GPHN: variants seen among roughly 807,000 people sequenced by gnomAD.
GPHN encodes the protein gephyrin.
GPHN carries 17 observed loss-of-function variants against 95.5 expected under a neutral mutation model. That is an observed-to-expected ratio of 0.18 (90% CI 0.12 to 0.27). The LOEUF is 0.27. Ranked by LOEUF, GPHN falls within the 10% of genes least tolerant of loss-of-function variation. GPHN has a pLI of 1.00. For synonymous variants in GPHN, 320 were observed against 322.5 expected (o/e 0.99, Z 0.08); for missense variants, 660 against 978.1 (o/e 0.67, Z 4.34).
At chr14:67,669,268 T>C in the GPHN span, among the ~76,000 whole-genome samples, 1 of 142,216 alleles carries the variant, frequency 7.0e-6, no homozygotes, top group Non-Finnish European at 1.5e-5. Context: ...TACTTCTTCA[T>C]AATTTTTTTT....
At chr14:67,474,219 T>C in the GPHN span, among the ~76,000 whole-genome samples, 3 of 149,960 alleles carry the variant, frequency 2.0e-5, no homozygotes, top group East Asian at 5.9e-4. Context: ...GCCACTGCAC[T>C]CCAGCCTGGG....
At chr14:66,583,020 A>G (rs977602764) in intron 1 of GPHN, among the ~76,000 whole-genome samples, 5 of 151,986 alleles carry the variant, frequency 3.3e-5, no homozygotes, top group African/African-American at 4.8e-5. Context: ...AAGTGTTCCT[A>G]TTTCTCCACA....
rs1369912363 is a variant in GPHN at position 67,002,152 on chromosome 14, A to G, written c.964-21481A>G. On this transcript the variant is annotated intron_variant, in intron 9 of 22. Coordinates refer to ENST00000478722, the MANE Select transcript of GPHN (RefSeq NM_020806.5). ...ATATTCAAAAAACAGAAGTTTATTC[A>G]TTACACACAATGAATATAAATGCAT... 2.6e-5 allele frequency among the ~76,000 whole-genome samples: 4 copies of G among 151,558 alleles called. No homozygotes were observed. The East Asian group carries it at 7.7e-4, about 29-fold the overall frequency.
At chr14:67,395,326 C>G in the GPHN span, 76 of 1,363,602 alleles carry the variant, frequency 5.6e-5, no homozygotes, top group Middle Eastern at 2.5e-4. Flanking sequence ...CAGAGCCCCC[C>G]CAAGGGGCAG....
chr14:67,727,610 G>A, the GPHN span: 50 of 243,478 alleles, frequency 2.1e-4, no homozygotes, highest in Non-Finnish European at 2.5e-4. Flanking sequence ...AGCCTCTTGA[G>A]TAGTTGGGAT....
chr14:66,520,623 A>G (rs1878218396), intron 1 of GPHN, among the ~76,000 whole-genome samples: 1 of 152,000 alleles, frequency 6.6e-6, no homozygotes, highest in South Asian at 2.1e-4. Flanking sequence ...GAGGTTATAG[A>G]GGAGGGGTAG....
At chr14:67,039,962 G>T (rs1193177937) in intron 10 of GPHN, among the ~76,000 whole-genome samples, 2 of 152,072 alleles carry the variant, frequency 1.3e-5, no homozygotes, top group African/African-American at 4.8e-5. Context: ...TTGATGTTAA[G>T]GCCTTTTTTT....
chr14:66,912,764 A>G (rs767093936), intron 5 of GPHN, among the ~76,000 whole-genome samples: 13 of 152,164 alleles, frequency 8.5e-5, no homozygotes, highest in Non-Finnish European at 1.3e-4. Flanking sequence ...TTAAGGAAAG[A>G]TGGACCAAAT....
intron 1 of GPHN, among the ~76,000 whole-genome samples, chr14:66,580,968 C>T (rs948526230): frequency 6.6e-6 from 1 of 151,662 alleles, no homozygotes; most frequent in Non-Finnish European, 1.5e-5. Flanking sequence ...CATGATCAAG[C>T]AGGATTTATT....
At chr14:66,865,985 G>GT (rs2153524011) in intron 4 of GPHN, among the ~76,000 whole-genome samples, 1 of 152,192 alleles carries the variant, frequency 6.6e-6, no homozygotes. Flanking sequence ...GTGTTTTTAC[G>GT]TATGTGTGTG....
chr14:66,981,881 T>G lies in GPHN; in HGVS notation c.963+16556T>G, dbSNP rs139845190. The stretch of plus-strand genomic sequence containing the variant: ...GGTAATATCAGCTGTACTTTCATAT[T>G]ATTTATTGATGCATTCAGAAAGCCA... On this transcript the variant is annotated intron_variant, in intron 9 of 22. Coordinates refer to ENST00000478722, the MANE Select transcript of GPHN (RefSeq NM_020806.5). Among the ~76,000 whole-genome samples, 62 of 152,316 alleles carry G rather than the reference T, an allele frequency of 4.1e-4. 1 individual carries two copies. The East Asian group carries it at 0.01, about 25-fold the overall frequency.
At chr14:66,832,695 T>TA (rs2061626190) in intron 4 of GPHN, among the ~76,000 whole-genome samples, 1 of 152,160 alleles carries the variant, frequency 6.6e-6, no homozygotes, top group Non-Finnish European at 1.5e-5. Context: ...CCTTGGACTT[T>TA]ATCAAACCTA....
chr14:67,289,495 C>T, the GPHN span, among the ~76,000 whole-genome samples: 2 of 151,966 alleles, frequency 1.3e-5, no homozygotes, highest in African/African-American at 4.8e-5. Flanking sequence ...GTCTTGGAAC[C>T]AATCTCCCAC....
intron 10 of GPHN, among the ~76,000 whole-genome samples, chr14:67,037,214 G>A (rs1230886846): frequency 1.3e-5 from 2 of 151,952 alleles, no homozygotes; most frequent in African/African-American, 4.8e-5. Context: ...ACGTTGTTGG[G>A]AAAACAGCTA....
chr14:67,331,046 A>C, the GPHN span, among the ~76,000 whole-genome samples: 3 of 151,060 alleles, frequency 2.0e-5, no homozygotes, highest in Non-Finnish European at 4.4e-5. Flanking sequence ...CTCCTGTGAT[A>C]TTTCTTTCTT....
the GPHN span, among the ~76,000 whole-genome samples, chr14:67,604,477 T>C: frequency 6.6e-6 from 1 of 152,220 alleles, no homozygotes; most frequent in African/African-American, 2.4e-5. Context: ...GGAAGATCGT[T>C]TGAGCTCAGG....
chr14:66,564,475 T>C (rs1322225498), intron 1 of GPHN, among the ~76,000 whole-genome samples: 3 of 152,134 alleles, frequency 2.0e-5, no homozygotes, highest in African/African-American at 7.2e-5. Flanking sequence ...AAAAAATGGG[T>C]CTTGGGTAAT....
At chr14:66,558,744 A>G (rs2060109453) in intron 1 of GPHN, among the ~76,000 whole-genome samples, 1 of 151,460 alleles carries the variant, frequency 6.6e-6, no homozygotes, top group African/African-American at 2.4e-5. Flanking sequence ...ATTTTATTTT[A>G]TTATTATTAT....
At chr14:66,595,425 T>C (rs2061932468) in intron 1 of GPHN, among the ~76,000 whole-genome samples, 1 of 152,146 alleles carries the variant, frequency 6.6e-6, no homozygotes, top group African/African-American at 2.4e-5. Flanking sequence ...TGAATTTTGC[T>C]TGGGCCTGCT....
Sources: gnomAD v4.1 joint callset for allele counts (sites outside exome capture counted in the v4.1 genomes callset) on GRCh38, gnomAD v4.1.1 for gene constraint, MANE v1.5 for transcripts, NCBI Gene and HGNC (gene_info 2026-07-23, HGNC 2026-07-21) for gene names.